The following BLK variants were observed in gnomAD, a reference collection of about 807,000 sequenced individuals.
The protein encoded by BLK is BLK proto-oncogene, Src family tyrosine kinase.
BLK carries 64 observed loss-of-function variants against 61.8 expected under a neutral mutation model. The observed-to-expected ratio is 1.03, with a 90% CI of 0.85 to 1.27. BLK has a LOEUF of 1.27. Ranked by LOEUF, BLK falls within the 50% of genes most tolerant of loss-of-function variation. BLK has a pLI of 0.00. For synonymous variants in BLK, 351 were observed against 272.0 expected (o/e 1.29, Z -2.86); for missense variants, 853 against 660.5 (o/e 1.29, Z -3.19).
rs147022480 is a variant in BLK, at chr8:11,543,250, C to A, written c.26C>A (p.Pro9Gln). 2 of 1,613,946 alleles carry A rather than the reference C, an allele frequency of 1.2e-6. No individual in the cohort carries two copies. Among genetic ancestry groups the A allele is most frequent in the Non-Finnish European group, 1.7e-6 (2 of 1,180,014 alleles). The part of the protein sequence containing the change: MGLVSSKK[P>Q]DKEKPIKEKD... Reference sequence around the variant, plus strand: ...ATGGGGCTGGTAAGTAGCAAAAAGCCGGACAAGGAAAAGCCGATCAAAGAG... The same window carrying A: ...ATGGGGCTGGTAAGTAGCAAAAAGCAGGACAAGGAAAAGCCGATCAAAGAG... The change falls in exon 2 of 13, where the codon CCG becomes CAG. Residue 9 changes from proline (P) to glutamine (Q), a missense_variant. Physicochemically the swap from Pro to Gln is moderately conservative, Grantham distance 76 (BLOSUM62 -1). Transcript: ENST00000259089.
intron 1 of BLK, among the ~76,000 whole-genome samples, chr8:11,542,679 G>A (rs1800436828): frequency 6.6e-6 from 1 of 152,198 alleles, no homozygotes; most frequent in Non-Finnish European, 1.5e-5. Context: ...TGAGGCCACA[G>A]CTAGGCCTCG....
chr8:11,556,938 T>G (rs762821368), intron 9 of BLK, 101 bp downstream of exon 9: 2 of 1,255,604 alleles, frequency 1.6e-6, no homozygotes, highest in African/African-American at 1.6e-5. Context: ...GGCCAGGGGG[T>G]CCTGCAGATC....
intron 1 of BLK, among the ~76,000 whole-genome samples, chr8:11,541,152 A>G (rs1018545925): frequency 1.4e-5 from 2 of 142,474 alleles, no homozygotes; most frequent in African/African-American, 5.3e-5. Context: ...CTGTCATCCC[A>G]GCTACTCGAG....
chr8:11,524,599 G>A (rs1266786883), intron 1 of BLK, among the ~76,000 whole-genome samples: 1 of 152,212 alleles, frequency 6.6e-6, no homozygotes, highest in Non-Finnish European at 1.5e-5. Flanking sequence ...GTATGCTCTT[G>A]AGCGTGGGAA....
chr8:11,540,556 G>C (rs1486526568), intron 1 of BLK, among the ~76,000 whole-genome samples: 2 of 151,870 alleles, frequency 1.3e-5, no homozygotes, highest in South Asian at 2.1e-4. Flanking sequence ...TTAGGAACAA[G>C]AAAAACATCA....
At position 11,564,307 on chromosome 8, in the gene BLK, C is replaced by T. The variant is rs1400691776; in HGVS notation, c.*199C>T. The T allele has an allele frequency of 1.4e-6, 1 of 721,328 alleles. No individual in the cohort carries two copies. The highest frequency in any genetic ancestry group is 2.5e-6 in the Non-Finnish European group (1 of 404,086). The allele number at this position is 721,328 out of a possible 1,614,324, so 44.7% of individuals were successfully genotyped here. On this transcript the variant is annotated 3_prime_UTR_variant, in exon 13 of 13. Coordinates refer to ENST00000259089, the MANE Select transcript of BLK (RefSeq NM_001715.3). Reference sequence around the variant, plus strand: ...TGCACCCCCGGGCGAGTTACGCGGCCTCTCTGTGCCGCTTCATTTGTAGAG... The same window carrying T: ...TGCACCCCCGGGCGAGTTACGCGGCTTCTCTGTGCCGCTTCATTTGTAGAG...
intron 1 of BLK, among the ~76,000 whole-genome samples, chr8:11,499,423 A>T (rs1044834981): frequency 6.6e-6 from 1 of 152,146 alleles, no homozygotes; most frequent in South Asian, 2.1e-4. Flanking sequence ...CTGTATCCAG[A>T]TAGTCAGTCC....
chr8:11,544,665 T>C (rs1258275494), intron 2 of BLK, among the ~76,000 whole-genome samples: 1 of 152,188 alleles, frequency 6.6e-6, no homozygotes, highest in Non-Finnish European at 1.5e-5. Context: ...TGGAAAAAAT[T>C]ATAATTACTC....
chr8:11,538,312 C>T (rs907484878), intron 1 of BLK, among the ~76,000 whole-genome samples: 1 of 152,184 alleles, frequency 6.6e-6, no homozygotes, highest in Admixed American at 6.5e-5. Context: ...CCTGGCTTCA[C>T]CCAACCTGAA....
chr8:11,496,824 G>C (rs531548137), intron 1 of BLK, among the ~76,000 whole-genome samples: 2 of 152,184 alleles, frequency 1.3e-5, no homozygotes, highest in Admixed American at 1.3e-4. Flanking sequence ...CTGTGAGCTG[G>C]GCTCGACAGC....
intron 1 of BLK, among the ~76,000 whole-genome samples, chr8:11,507,287 G>C (rs1370655734): frequency 6.6e-6 from 1 of 152,210 alleles, no homozygotes; most frequent in Non-Finnish European, 1.5e-5. Context: ...GACTAGGATT[G>C]TAAAAGAATA....
intron 1 of BLK, among the ~76,000 whole-genome samples, chr8:11,496,774 C>T (rs575325009): frequency 5.4e-4 from 82 of 152,352 alleles, no homozygotes; most frequent in African/African-American, 1.9e-3. Context: ...CTGCCGTCCT[C>T]TGGGCTCAAC....
chr8:11,543,206 G>C lies in BLK; in HGVS notation c.-1-18G>C, dbSNP rs989733850. ...CCCCGCTCTCTCATGTCCTCTGTCT[G>C]CTGTGTGTCTCCGACAGGATGGGGC... On this transcript the variant is annotated intron_variant, in intron 1 of 12. Coordinates refer to ENST00000259089, the MANE Select transcript of BLK (RefSeq NM_001715.3). 1 of 1,613,546 alleles carries C rather than the reference G, an allele frequency of 6.2e-7. No homozygotes were observed. Among genetic ancestry groups the C allele is most frequent in the Admixed American group, 1.7e-5 (1 of 60,008 alleles).
Position 11,508,165 on chromosome 8 carries a change from C to G in BLK, c.-2+13574C>G, listed in dbSNP as rs2618462. ...ACTGTTTGACCCCAAAGCCAGTGCT[C>G]TGAACCCTCCATCTGTCTTCATTAA... is the stretch of plus-strand genomic sequence containing the variant. On this transcript the variant is annotated intron_variant, in intron 1 of 12. Transcript: ENST00000259089. 4.8e-3 allele frequency among the ~76,000 whole-genome samples: 732 copies of G among 152,344 alleles called. 3 individuals are homozygous for G. The highest frequency in any genetic ancestry group is 0.016 in the African/African-American group (659 of 41,584).
chr8:11,553,320 T>A (rs1426408676), intron 6 of BLK: 3 of 393,008 alleles, frequency 7.6e-6, no homozygotes, highest in Non-Finnish European at 1.5e-5. Flanking sequence ...TGCTGAGAAA[T>A]CTTCATCTCA....
chr8:11,502,731 G>A (rs765882525), intron 1 of BLK, among the ~76,000 whole-genome samples: 3 of 152,206 alleles, frequency 2.0e-5, no homozygotes, highest in Non-Finnish European at 4.4e-5. Flanking sequence ...GTGTCTTGAG[G>A]CCACACTGCA....
intron 1 of BLK, among the ~76,000 whole-genome samples, chr8:11,511,314 G>T (rs776884325): frequency 5.3e-5 from 8 of 151,972 alleles, no homozygotes; most frequent in Non-Finnish European, 8.8e-5. Flanking sequence ...GAGCGGGGAG[G>T]GATAGCATTA....
chr8:11,549,689 G>T lies in BLK; in HGVS notation c.369-470G>T, dbSNP rs555977765. ...GTCTTCTCTGGACACTGTGGGCCCCGCTTCTTTCCCTGGAACAGTGTGGGG... is the reference window on the plus strand; with the variant it reads ...GTCTTCTCTGGACACTGTGGGCCCCTCTTCTTTCCCTGGAACAGTGTGGGG... On this transcript the variant is annotated intron_variant, in intron 5 of 12. Coordinates refer to ENST00000259089, the MANE Select transcript of BLK (RefSeq NM_001715.3). Among the ~76,000 whole-genome samples, 6 of 152,314 alleles carry T rather than the reference G, an allele frequency of 3.9e-5. No homozygotes were observed. In the South Asian group the frequency reaches 1.2e-3, roughly 32 times the overall value.
At chr8:11,558,822 T>C (rs769147137) in intron 10 of BLK, 7 of 455,188 alleles carry the variant, frequency 1.5e-5, no homozygotes, top group Non-Finnish European at 3.1e-5. Flanking sequence ...TGCGTACACA[T>C]ACACACACAC....
Sources: allele counts gnomAD v4.1 joint callset (sites outside exome capture counted in the v4.1 genomes callset), GRCh38; gene constraint gnomAD v4.1.1; transcripts MANE v1.5; gene names NCBI Gene and HGNC (gene_info 2026-07-23, HGNC 2026-07-21).